Variants in FBLN1 observed in about 807,000 individuals in gnomAD.
FBLN1 encodes the protein fibulin-1.
Under a neutral mutation model 89.7 loss-of-function variants are expected in FBLN1, and 34 were observed. The observed-to-expected ratio is 0.38, with a 90% CI of 0.29 to 0.50. FBLN1 has a LOEUF of 0.50. Among genes scored for constraint, FBLN1 ranks in the 20% least tolerant of loss-of-function variants. The pLI, the probability that FBLN1 is intolerant of heterozygous loss-of-function variation, is 0.92. For synonymous variants in FBLN1, 393 were observed against 391.3 expected (o/e 1.00, Z -0.05); for missense variants, 777 against 988.1 (o/e 0.79, Z 2.86).
At chr22:45,553,746 A>AG (rs1404080305) in intron 14 of FBLN1, among the ~76,000 whole-genome samples, 2 of 152,084 alleles carry the variant, frequency 1.3e-5, no homozygotes, top group Non-Finnish European at 2.9e-5. Context: ...GTGGGGTCGG[A>AG]GGGGGAGCCT....
intron 2 of FBLN1, among the ~76,000 whole-genome samples, 155 bp from the exon 3 acceptor site, chr22:45,525,385 CCTT>C (rs2088311967): frequency 6.6e-6 from 1 of 152,182 alleles, no homozygotes; most frequent in Non-Finnish European, 1.5e-5. Flanking sequence ...TAATTGAGCT[CCTT>C]CTGTATGCCA....
At chr22:45,555,788 G>T (rs1193048029) in intron 14 of FBLN1, among the ~76,000 whole-genome samples, 27 of 152,070 alleles carry the variant, frequency 1.8e-4, no homozygotes. Context: ...ACAATAATAA[G>T]ATCATAATTA....
At chr22:45,564,883 G>T (rs964141848) in intron 14 of FBLN1, 1 of 1,613,878 alleles carries the variant, frequency 6.2e-7, no homozygotes, top group East Asian at 2.2e-5. Context: ...ACTGTTTCCA[G>T]GCAGAAATCC....
chr22:45,502,920 G>A lies in FBLN1; in HGVS notation c.-66G>A. On this transcript the variant is annotated 5_prime_UTR_variant, in exon 1 of 17. Transcript: ENST00000327858. ...GGCTCGGCCGGAGCGTGGAGCCCGC[G>A]CCGCTGCCCCAGGACCGCGCCCGCG... 1.5e-6 allele frequency: 1 copy of A among 650,494 alleles called. No individual in the cohort carries two copies. The highest frequency in any genetic ancestry group is 1.9e-6 in the Non-Finnish European group (1 of 515,622). The allele number at this position is 650,494 out of a possible 1,614,324, so 40.3% of individuals were successfully genotyped here. A position where few individuals can be genotyped will look rare whatever the true frequency, so the allele number is the denominator to read the frequency against.
At chr22:45,594,404 C>T (rs1198518845) in intron 16 of FBLN1, among the ~76,000 whole-genome samples, 1 of 152,172 alleles carries the variant, frequency 6.6e-6, no homozygotes, top group Admixed American at 6.6e-5. Flanking sequence ...AGATTGACAC[C>T]GTTCCCAGAA....
At chr22:45,509,155 G>A (rs2088065262) in intron 1 of FBLN1, among the ~76,000 whole-genome samples, 1 of 152,104 alleles carries the variant, frequency 6.6e-6, no homozygotes, top group Admixed American at 6.5e-5. Context: ...GTGGCCAGAG[G>A]GGTGAGAGGA....
At chr22:45,516,786 T>G (rs1016689019) in intron 1 of FBLN1, among the ~76,000 whole-genome samples, 3 of 152,112 alleles carry the variant, frequency 2.0e-5, no homozygotes, top group African/African-American at 7.2e-5. Context: ...GAAGGGTGGG[T>G]CTACCTTGCA....
In FBLN1 at chr22:45,562,938, A is replaced by C. The variant is rs2088865742; in HGVS notation, c.1698-11573A>C. 2 of 1,613,870 alleles carry C rather than the reference A, an allele frequency of 1.2e-6. No homozygotes were observed. Among genetic ancestry groups the C allele is most frequent in the Non-Finnish European group, 1.7e-6 (2 of 1,179,998 alleles). On this transcript the variant is annotated intron_variant, in intron 14 of 16. Coordinates refer to ENST00000327858, the MANE Select transcript of FBLN1 (RefSeq NM_006486.3). The surrounding 1 kb of genome is among the most constrained non-coding windows in gnomAD (Gnocchi z 7.8). ...CGCTGTGAGCGCTTGCCTTGCCATG[A>C]GAATCGGGAGTGCTCCAAGCTGCCT...
At chr22:45,507,254 C>T (rs529504560) in intron 1 of FBLN1, among the ~76,000 whole-genome samples, 1 of 152,308 alleles carries the variant, frequency 6.6e-6, no homozygotes, top group Admixed American at 6.5e-5. Flanking sequence ...CACCAGTCGC[C>T]ATAGCTTCCT....
intron 2 of FBLN1, among the ~76,000 whole-genome samples, chr22:45,521,779 C>T (rs920966713): frequency 6.6e-5 from 10 of 152,048 alleles, no homozygotes; most frequent in African/African-American, 1.4e-4. Context: ...GCTGTGGATG[C>T]GGGGTGTGGC....
Position 45,518,602 on chromosome 22 carries a change from T to C in FBLN1, c.80-80T>C, listed in dbSNP as rs918805286. On this transcript the variant is annotated intron_variant, in intron 1 of 16. Coordinates refer to ENST00000327858, the MANE Select transcript of FBLN1 (RefSeq NM_006486.3). ...TGTCGTCAAGACAGAAGGACGTGCG[T>C]GTCCTGGTGGTGCATCTGGGAGGGC... The C allele has an allele frequency of 8.8e-5, 87 of 993,880 alleles. No individual in the cohort carries two copies. In the African/African-American group the frequency reaches 1.3e-3, roughly 15 times the overall value. The allele number at this position is 993,880 out of a possible 1,614,324, so 61.6% of individuals were successfully genotyped here.
At position 45,561,428 on chromosome 22, in the gene FBLN1, T is replaced by C. The variant is rs2088849643; in HGVS notation, c.1697+10813T>C. On this transcript the variant is annotated intron_variant, in intron 14 of 16. Transcript: ENST00000327858. The surrounding 1 kb of genome is among the most constrained non-coding windows in gnomAD (Gnocchi z 4.7). ...ATGTTCCTTGGTTCTCCACATATGA[T>C]CAAAGATATTATGTATAGAGTCACT... is the stretch of plus-strand genomic sequence containing the variant. Among the ~76,000 whole-genome samples, 1 of 152,310 alleles carries C rather than the reference T, an allele frequency of 6.6e-6. No individual in the cohort carries two copies. Among genetic ancestry groups the C allele is most frequent in the South Asian group, 2.1e-4 (1 of 4,828 alleles).
chr22:45,544,712 A>G (rs918264420), intron 11 of FBLN1, among the ~76,000 whole-genome samples: 1 of 152,176 alleles, frequency 6.6e-6, no homozygotes, highest in African/African-American at 2.4e-5. Context: ...TCTTGGGCCA[A>G]TGGCAGCCAC....
At position 45,563,016 on chromosome 22, in the gene FBLN1, C is replaced by T. The variant is rs765670200; in HGVS notation, c.1698-11495C>T. 85 of 1,613,420 alleles carry T rather than the reference C, an allele frequency of 5.3e-5. 1 individual carries two copies. Among genetic ancestry groups the T allele is most frequent in the East Asian group, 6.7e-5 (3 of 44,854 alleles). On this transcript the variant is annotated intron_variant, in intron 14 of 16. Transcript: ENST00000327858. This position sits in a 1 kb window ranked among gnomAD's most constrained non-coding sequence, Gnocchi z 5.7. ...TTCCCCACCAACATCCAAGCGCCCG[C>T]GGTGGTTTTCCGCATGGGCCCCTCC...
chr22:45,564,558 G>T (rs1346932075), intron 14 of FBLN1, among the ~76,000 whole-genome samples: 1 of 152,216 alleles, frequency 6.6e-6, no homozygotes, highest in Non-Finnish European at 1.5e-5. Context: ...TCATGTGCCT[G>T]CCTCAGAGAG....
chr22:45,555,303 A>G (rs926998716), intron 14 of FBLN1, among the ~76,000 whole-genome samples: 22 of 148,694 alleles, frequency 1.5e-4, no homozygotes, highest in African/African-American at 5.2e-4. Flanking sequence ...AATGGAATAT[A>G]TATATGGAAT....
At chr22:45,512,748 G>C (rs1290143871) in intron 1 of FBLN1, among the ~76,000 whole-genome samples, 1 of 152,108 alleles carries the variant, frequency 6.6e-6, no homozygotes. Flanking sequence ...TCCTCAGGGT[G>C]TTCTTTTGTT....
At chr22:45,565,117 A>T (rs753031275) in intron 14 of FBLN1, 1 of 1,589,276 alleles carries the variant, frequency 6.3e-7, no homozygotes, top group Non-Finnish European at 8.5e-7. Context: ...CCTCTCTCTG[A>T]TCATGCCAGG....
rs1035504114 is a variant in FBLN1 at position 45,581,511 on chromosome 22, C to T, written c.1972+4403C>T. 6.6e-6 allele frequency among the ~76,000 whole-genome samples: 1 copy of T among 152,164 alleles called. No homozygotes were observed. The highest frequency in any genetic ancestry group is 1.5e-5 in the Non-Finnish European group (1 of 68,032). ...ATGAGGCTTGGTTGTGGCCACATTTCTGTTAAAACCCTGCCAATGCCAACA... is the reference window on the plus strand; with the variant it reads ...ATGAGGCTTGGTTGTGGCCACATTTTTGTTAAAACCCTGCCAATGCCAACA... On this transcript the variant is annotated intron_variant, in intron 16 of 16. Transcript: ENST00000327858. This position sits in a 1 kb window ranked among gnomAD's most constrained non-coding sequence, Gnocchi z 7.6.
Sources: allele counts gnomAD v4.1 joint callset (sites outside exome capture counted in the v4.1 genomes callset), GRCh38; gene constraint gnomAD v4.1.1; non-coding constraint Gnocchi (gnomAD v3.1); transcripts MANE v1.5; gene names NCBI Gene and HGNC (gene_info 2026-07-23, HGNC 2026-07-21).